Variants in DSE observed in about 807,000 individuals in gnomAD.
DSE encodes dermatan sulfate epimerase.
Under a neutral mutation model 84.4 loss-of-function variants are expected in DSE, and 36 were observed. That is an observed-to-expected ratio of 0.43 (90% CI 0.33 to 0.56). DSE has a LOEUF of 0.56. Ranked by LOEUF, DSE falls within the 20% of genes least tolerant of loss-of-function variation. The pLI is 0.06. For missense variants in DSE, 862 were observed against 1,169.6 expected (o/e 0.74, Z 3.84); for synonymous variants, 410 against 430.1 (o/e 0.95, Z 0.58).
At chr6:116,255,696 GCT>G (rs1194023242) in intron 1 of DSE, 10 of 152,192 alleles carry the variant, frequency 6.6e-5, no homozygotes, top group African/African-American at 2.2e-4. Flanking sequence ...TATTGACACT[GCT>G]CTGTTTCTTT....
intron 1 of DSE, among the ~76,000 whole-genome samples, chr6:116,373,809 ATATT>A (rs1168371701): frequency 2.6e-5 from 4 of 152,276 alleles, no homozygotes; most frequent in Admixed American, 1.3e-4. Context: ...AAACAATAAA[ATATT>A]TATACATTTC....
chr6:116,281,697 G>C (rs915975788), intron 2 of DSE, among the ~76,000 whole-genome samples: 2 of 152,212 alleles, frequency 1.3e-5, no homozygotes, highest in Non-Finnish European at 2.9e-5. Context: ...TGTTTATCGA[G>C]TGCCTAGCAC....
rs547911784 is a variant in DSE at position 116,258,704 on chromosome 6, C to T, written c.-317C>T. 2.6e-5 allele frequency: 41 copies of T among 1,605,460 alleles called. No individual in the cohort carries two copies. In the East Asian group the frequency reaches 8.3e-4, roughly 32 times the overall value. On this transcript the variant is annotated 5_prime_UTR_variant, in exon 2 of 4. Coordinates refer to the DSE transcript ENST00000430252. Reference sequence around the variant, plus strand: ...CGGCGAAGTGGGGACACGTCCACAGCCTGTCGTCTCACAGTCCCGGCGCAC... The same window carrying T: ...CGGCGAAGTGGGGACACGTCCACAGTCTGTCGTCTCACAGTCCCGGCGCAC...
chr6:116,384,212 G>A (rs1425052667), intron 1 of DSE, among the ~76,000 whole-genome samples: 1 of 152,174 alleles, frequency 6.6e-6, no homozygotes, highest in East Asian at 1.9e-4. Context: ...CAGAAAGGAA[G>A]GCTTGGCTGG....
At chr6:116,408,706 C>T (rs1782099789) in intron 2 of DSE, among the ~76,000 whole-genome samples, 1 of 152,178 alleles carries the variant, frequency 6.6e-6, no homozygotes, top group South Asian at 2.1e-4. Context: ...CAGGATTTGA[C>T]ATCTTGGTGC....
intron 2 of DSE, among the ~76,000 whole-genome samples, chr6:116,320,099 C>G (rs1776211342): frequency 6.6e-6 from 1 of 152,112 alleles, no homozygotes; most frequent in South Asian, 2.1e-4. Flanking sequence ...TGTTTGTTGG[C>G]CAAATATGGG....
intron 2 of DSE, among the ~76,000 whole-genome samples, chr6:116,307,012 A>T (rs73767734): frequency 0.045 from 6,922 of 152,310 alleles, 271 homozygotes; most frequent in African/African-American, 0.1. Flanking sequence ...GGGCAGCATG[A>T]GCAGACTAAT....
At chr6:116,420,669 T>G (rs973644014) in intron 2 of DSE, among the ~76,000 whole-genome samples, 2 of 152,188 alleles carry the variant, frequency 1.3e-5, no homozygotes, top group African/African-American at 4.8e-5. Flanking sequence ...AAGACAACAG[T>G]ATACAAATTT....
intron 5 of DSE, 27 bp from the exon 6 acceptor site, chr6:116,435,560 C>T: frequency 6.5e-7 from 1 of 1,540,714 alleles, no homozygotes; most frequent in South Asian, 1.3e-5. Context: ...ATCAGAAAAC[C>T]ATTTAATTTT....
chr6:116,279,866 C>A (rs751167981), intron 2 of DSE: 2 of 1,612,918 alleles, frequency 1.2e-6, no homozygotes, highest in African/African-American at 1.3e-5. Flanking sequence ...GGCGAACGCC[C>A]GTTTTCCTCA....
At chr6:116,388,358 A>T (rs568363334) in intron 1 of DSE, among the ~76,000 whole-genome samples, 10 of 152,310 alleles carry the variant, frequency 6.6e-5, no homozygotes, top group Admixed American at 5.9e-4. Context: ...GGGCCCACCC[A>T]CATTGGGAGG....
chr6:116,425,408 A>G (rs371459032), intron 2 of DSE, among the ~76,000 whole-genome samples: 3 of 152,190 alleles, frequency 2.0e-5, no homozygotes, highest in Admixed American at 6.5e-5. Context: ...TGTTTCCCTC[A>G]CTTGGAGATT....
intron 2 of DSE, among the ~76,000 whole-genome samples, chr6:116,321,631 G>A (rs12214731): frequency 0.021 from 3,168 of 152,080 alleles, 54 homozygotes; most frequent in Non-Finnish European, 0.035. Flanking sequence ...ACTAAAAATA[G>A]AAAAAATTAG....
intron 1 of DSE, 139 bp downstream of exon 1, chr6:116,371,260 C>T (rs1583112167): frequency 1.0e-6 from 1 of 955,534 alleles, no homozygotes; most frequent in African/African-American, 1.8e-5. Flanking sequence ...AGCGGAGCGC[C>T]GCGGGTTGCG....
At chr6:116,293,381 C>T (rs891402816) in intron 2 of DSE, among the ~76,000 whole-genome samples, 15 of 151,678 alleles carry the variant, frequency 9.9e-5, no homozygotes, top group African/African-American at 2.9e-4. Context: ...AAGCTATTCT[C>T]CTGCCTCAGA....
intron 1 of DSE, among the ~76,000 whole-genome samples, chr6:116,393,567 C>G (rs1387750786): frequency 6.6e-6 from 1 of 152,176 alleles, no homozygotes; most frequent in Non-Finnish European, 1.5e-5. Flanking sequence ...TCACACATGT[C>G]TAATCACCCC....
intron 2 of DSE, among the ~76,000 whole-genome samples, chr6:116,325,523 T>TTTA (rs370454731): frequency 2.0e-5 from 3 of 152,314 alleles, no homozygotes; most frequent in African/African-American, 7.2e-5. Flanking sequence ...CTTTCATCAT[T>TTTA]TTTTTAATAA....
Position 116,439,136 on chromosome 6 carries a change from C to T in DSE, c.*1791C>T, listed in dbSNP as rs548948363. On this transcript the variant is annotated 3_prime_UTR_variant, in exon 6 of 6. Coordinates refer to ENST00000644252, the MANE Select transcript of DSE (RefSeq NM_013352.4). ...TTCCTCTCTTTTACTCTTTCTCACTCAAAAGGATGAACTGTCTGAAATGAT... is the reference window on the plus strand; with the variant it reads ...TTCCTCTCTTTTACTCTTTCTCACTTAAAAGGATGAACTGTCTGAAATGAT... 2.0e-5 allele frequency: 3 copies of T among 151,854 alleles called. No homozygotes were observed. The highest frequency in any genetic ancestry group is 7.2e-5 in the African/African-American group (3 of 41,392). 9.4% of individuals were successfully genotyped at this position (151,854 alleles called of 1,614,324 possible).
chr6:116,369,857 T>C, upstream of DSE: 1 of 1,254,118 alleles, frequency 8.0e-7, no homozygotes, highest in Non-Finnish European at 1.0e-6. Flanking sequence ...AGGAATTGGA[T>C]GGAGGTGCCC....
Sources: gnomAD v4.1 joint callset for allele counts (sites outside exome capture counted in the v4.1 genomes callset) on GRCh38, gnomAD v4.1.1 for gene constraint, MANE v1.5 for transcripts, NCBI Gene and HGNC (gene_info 2026-07-23, HGNC 2026-07-21) for gene names.